Variants in PTPRZ1 observed in about 807,000 individuals in gnomAD.
PTPRZ1 encodes protein tyrosine phosphatase receptor type Z1.
Under a neutral mutation model 214.1 loss-of-function variants are expected in PTPRZ1, and 82 were observed. The observed-to-expected ratio is 0.38, with a 90% CI of 0.32 to 0.46. PTPRZ1 has a LOEUF of 0.46. PTPRZ1 is among the 20% of genes least tolerant of loss of function. The probability of loss-of-function intolerance (pLI) is 1.00; values close to 1 mark genes in which losing one functional copy is unlikely to be tolerated. For missense variants in PTPRZ1, 2,603 were observed against 2,748.7 expected, an observed-to-expected ratio of 0.95 and a Z score of 1.19; for synonymous variants, 945 against 987.9, an observed-to-expected ratio of 0.96 and a Z score of 0.81.
intron 13 of PTPRZ1, among the ~76,000 whole-genome samples, chr7:122,027,457 T>A (rs1799236086): frequency 6.6e-6 from 1 of 152,106 alleles, no homozygotes. Context: ...TAGAAAAAAA[T>A]AAAGATTTAG....
intron 3 of PTPRZ1, among the ~76,000 whole-genome samples, chr7:121,970,757 G>A (rs1477984915): frequency 6.6e-6 from 1 of 152,088 alleles, no homozygotes; most frequent in Non-Finnish European, 1.5e-5. Context: ...TAGGTTGCCT[G>A]TTCACTCTGA....
chr7:121,971,663 A>G (rs1452944360), intron 3 of PTPRZ1, among the ~76,000 whole-genome samples: 1 of 152,218 alleles, frequency 6.6e-6, no homozygotes, highest in African/African-American at 2.4e-5. Context: ...ATATATGTAA[A>G]GTAACTAGTA....
At chr7:122,003,424 C>T (rs1798384265) in intron 10 of PTPRZ1, among the ~76,000 whole-genome samples, 1 of 152,128 alleles carries the variant, frequency 6.6e-6, no homozygotes, top group African/African-American at 2.4e-5. Context: ...ATAGATTTTA[C>T]ATAAATTCTC....
intron 1 of PTPRZ1, among the ~76,000 whole-genome samples, chr7:121,878,567 G>T (rs1193303628): frequency 6.6e-6 from 1 of 152,184 alleles, no homozygotes; most frequent in Non-Finnish European, 1.5e-5. Context: ...CCACTTTGTA[G>T]CCTTTATGGA....
chr7:121,966,791 A>G (rs1797058114), intron 2 of PTPRZ1: 1 of 152,216 alleles, frequency 6.6e-6, no homozygotes, highest in African/African-American at 2.4e-5. Flanking sequence ...CATAAAAGTT[A>G]GTTCTCACTG....
At position 122,010,370 on chromosome 7, in the gene PTPRZ1, A is replaced by G; in HGVS notation, c.1324A>G (p.Ile442Val). ...EEGKDIEEGA[I>V]VNPGRDSATN... ...GGGAAAAGACATTGAAGAAGGCGCT[A>G]TTGTGAATCCTGGTAGAGACAGTGC... Residue 442 changes from isoleucine to valine, a missense_variant, in exon 12 of 30, where the codon ATT (isoleucine) becomes GTT (valine). Coordinates refer to ENST00000393386, the MANE Select transcript of PTPRZ1 (RefSeq NM_002851.3). The G allele has an allele frequency of 6.2e-7, 1 of 1,612,794 alleles. No homozygotes were observed. Among genetic ancestry groups the G allele is most frequent in the East Asian group, 2.2e-5 (1 of 44,870 alleles).
chr7:122,029,639 A>G (rs1023730005), intron 14 of PTPRZ1, among the ~76,000 whole-genome samples: 1 of 151,958 alleles, frequency 6.6e-6, no homozygotes, highest in Admixed American at 6.6e-5. Context: ...CTAGAGGCTC[A>G]AGTTCTACAG....
rs372620945 is a variant in PTPRZ1 at position 122,013,579 on chromosome 7, A to G, written c.4533A>G (p.Leu1511=). Residue 1511 remains leucine, a synonymous_variant, in exon 12 of 30, where the codon CTA becomes CTG. Transcript: ENST00000393386. ...GTAAATCACCATCAGCAAATGGGCT[A>G]TCCCAAAAGCACAATGATGGAAAAG... is the stretch of plus-strand genomic sequence containing the variant. The part of the protein sequence containing the change: ...SPGKSPSANG[L]SQKHNDGKEE... 33 of 1,614,110 alleles carry G rather than the reference A, an allele frequency of 2.0e-5. No individual in the cohort carries two copies. The highest frequency in any genetic ancestry group is 4.0e-5 in the African/African-American group (3 of 74,940).
intron 1 of PTPRZ1, among the ~76,000 whole-genome samples, chr7:121,920,210 G>A (rs553515664): frequency 6.6e-5 from 10 of 152,278 alleles, no homozygotes; most frequent in Middle Eastern, 6.8e-3. Context: ...ACCCCAATCA[G>A]AAAGGGGCAC....
At chr7:121,905,650 T>TACACACACACACACACACAG (rs1795092623) in intron 1 of PTPRZ1, among the ~76,000 whole-genome samples, 1 of 145,264 alleles carries the variant, frequency 6.9e-6, no homozygotes, top group South Asian at 2.3e-4. Context: ...TTCTATTCTT[T>TACACACACACACACACACAG]ACACACACAC....
chr7:121,924,895 T>C (rs1252332387), intron 1 of PTPRZ1, among the ~76,000 whole-genome samples: 1 of 152,236 alleles, frequency 6.6e-6, no homozygotes, highest in Non-Finnish European at 1.5e-5. Flanking sequence ...TAGTCAATTC[T>C]TTATAATTTA....
In PTPRZ1 at chr7:122,011,971, G is replaced by A. The variant is rs560156569; in HGVS notation, c.2925G>A (p.Ser975=). 68 of 1,614,118 alleles carry A rather than the reference G, an allele frequency of 4.2e-5. No homozygotes were observed. Among genetic ancestry groups the A allele is most frequent in the Middle Eastern group, 3.3e-4 (2 of 6,062 alleles). Reference sequence around the variant, plus strand: ...GCCATATACCAATACCTAAGTCTTCGTTAATAACCCCAACTGCATCATTAC... The same window carrying A: ...GCCATATACCAATACCTAAGTCTTCATTAATAACCCCAACTGCATCATTAC... The part of the protein sequence containing the change: ...GPSHIPIPKS[S]LITPTASLLQ... Residue 975 remains serine, a synonymous_variant, in exon 12 of 30, where the codon TCG becomes TCA. Transcript: ENST00000393386.
intron 13 of PTPRZ1, among the ~76,000 whole-genome samples, chr7:122,021,613 A>G (rs1238519450): frequency 6.6e-6 from 1 of 152,038 alleles, no homozygotes; most frequent in Non-Finnish European, 1.5e-5. Context: ...ATGGTAGGGC[A>G]TGTCATACTC....
intron 10 of PTPRZ1, 99 bp from the exon 11 acceptor site, chr7:122,004,515 T>G (rs1485680770): frequency 1.5e-6 from 1 of 672,192 alleles, no homozygotes; most frequent in Non-Finnish European, 2.5e-6. Flanking sequence ...CATTAACTTT[T>G]TTATTCTTTT....
intron 2 of PTPRZ1, among the ~76,000 whole-genome samples, chr7:121,955,867 AATTAAATACTTG>A (rs1401724947): frequency 6.6e-6 from 1 of 152,174 alleles, no homozygotes; most frequent in East Asian, 1.9e-4. Context: ...TTCCAATTTT[AATTAAATACTTG>A]ATACCAGGCT....
intron 18 of PTPRZ1, among the ~76,000 whole-genome samples, chr7:122,037,001 G>A (rs1045212907): frequency 3.4e-5 from 5 of 148,412 alleles, no homozygotes; most frequent in African/African-American, 9.9e-5. Flanking sequence ...GGCTGGGCGC[G>A]GTGGCTCACG....
rs745650134 is a variant in PTPRZ1, at chr7:122,038,841, T to A, written c.5454T>A (p.His1818Gln). 4.3e-6 allele frequency: 7 copies of A among 1,613,654 alleles called. No individual in the cohort carries two copies. The Admixed American group carries it at 6.7e-5, about 15-fold the overall frequency. The change falls in exon 19 of 30, where the codon CAT becomes CAA. Residue 1818 changes from histidine (H) to glutamine (Q), a missense_variant. By Grantham distance (24) the His-to-Gln change is conservative. Transcript: ENST00000393386. ...ATTTCTGGAGAATGATATGGGAACA[T>A]AATGTGGAAGTTATTGTCATGATAA... ...AEDFWRMIWE[H>Q]NVEVIVMITN... is the part of the protein sequence containing the mutation.
chr7:121,975,639 TA>T (rs1410854909), intron 4 of PTPRZ1, among the ~76,000 whole-genome samples: 1 of 152,116 alleles, frequency 6.6e-6, no homozygotes, highest in African/African-American at 2.4e-5. Flanking sequence ...AGCACCAAAT[TA>T]TATAGAGGCT....
rs192192927 is a variant in PTPRZ1, at chr7:121,877,089, C to T, written c.58+3532C>T. Among the ~76,000 whole-genome samples, 289 of 152,260 alleles carry T rather than the reference C, an allele frequency of 1.9e-3. 1 individual carries two copies. The highest frequency in any genetic ancestry group is 6.5e-3 in the African/African-American group (269 of 41,554). ...GAGCCTGTGTTTCATTTTCAGTTACCATCTGCTCAAGTGTCTACTAGGTGC... is the reference window on the plus strand; with the variant it reads ...GAGCCTGTGTTTCATTTTCAGTTACTATCTGCTCAAGTGTCTACTAGGTGC... On this transcript the variant is annotated intron_variant, in intron 1 of 29. Transcript: ENST00000393386.
Sources: allele counts gnomAD v4.1 joint callset (sites outside exome capture counted in the v4.1 genomes callset), GRCh38; gene constraint gnomAD v4.1.1; transcripts MANE v1.5; gene names NCBI Gene and HGNC (gene_info 2026-07-23, HGNC 2026-07-21).